SNTG1: variants seen among roughly 807,000 people sequenced by gnomAD.
The protein encoded by SNTG1 is syntrophin gamma 1, also known as gamma-1-syntrophin.
SNTG1 carries 39 observed loss-of-function variants against 74.7 expected under a neutral mutation model. The ratio of observed to expected loss-of-function variants is 0.52; its 90% CI spans 0.40 to 0.68. SNTG1 has a LOEUF of 0.68. Ranked by LOEUF, SNTG1 falls within the 30% of genes least tolerant of loss-of-function variation. The probability of loss-of-function intolerance (pLI) is 0.00; values close to 1 mark genes in which losing one functional copy is unlikely to be tolerated. For missense variants in SNTG1, 685 were observed against 609.5 expected (o/e 1.12, Z -1.30); for synonymous variants, 254 against 217.1 (o/e 1.17, Z -1.49).
chr8:50,083,574 T>C (rs1470894143), intron 1 of SNTG1, among the ~76,000 whole-genome samples: 1 of 152,228 alleles, frequency 6.6e-6, no homozygotes, highest in East Asian at 1.9e-4. Flanking sequence ...TTGTGAATTT[T>C]ATATAAAGCA....
intron 2 of SNTG1, among the ~76,000 whole-genome samples, chr8:50,281,814 G>A (rs527371937): frequency 2.2e-4 from 34 of 152,270 alleles, no homozygotes; most frequent in African/African-American, 8.2e-4. Flanking sequence ...ATATAAGTGA[G>A]CAAGAGTAGC....
intron 1 of SNTG1, among the ~76,000 whole-genome samples, chr8:50,150,019 T>C (rs62516676): frequency 6.6e-6 from 1 of 152,180 alleles, no homozygotes; most frequent in South Asian, 2.1e-4. Flanking sequence ...ATTTTTCCTA[T>C]CCATGACCAT....
rs551364675 is a variant in SNTG1, at chr8:50,184,235, G to A, written c.-28+11600G>A. Among the ~76,000 whole-genome samples, 85 of 151,410 alleles carry A rather than the reference G, an allele frequency of 5.6e-4. 3 individuals are homozygous for A. In the South Asian group the frequency reaches 0.017, roughly 31 times the overall value. The stretch of plus-strand genomic sequence containing the variant: ...GGCTGGACTTCAGTGGTGTGATCTC[G>A]GCTCACTGCAACCTCCGCTGCCCAG... On this transcript the variant is annotated intron_variant, in intron 2 of 18. Transcript: ENST00000642720.
chr8:50,712,723 C>G (rs769427625), intron 17 of SNTG1, among the ~76,000 whole-genome samples: 1 of 151,236 alleles, frequency 6.6e-6, no homozygotes, highest in Admixed American at 6.6e-5. Flanking sequence ...TCTCATTGTT[C>G]AACTCCCACT....
intron 12 of SNTG1, among the ~76,000 whole-genome samples, chr8:50,574,397 AT>A (rs1042652807): frequency 6.6e-6 from 1 of 152,124 alleles, no homozygotes; most frequent in African/African-American, 2.4e-5. Flanking sequence ...GGTAAAAGAT[AT>A]TTTTTAAACG....
intron 2 of SNTG1, among the ~76,000 whole-genome samples, chr8:50,344,858 C>T (rs73678750): frequency 0.048 from 7,318 of 152,210 alleles, 392 homozygotes; most frequent in South Asian, 0.16. Context: ...TTACAAGATA[C>T]GGCCTTTCAA....
At chr8:50,593,939 A>C (rs546082493) in intron 13 of SNTG1, among the ~76,000 whole-genome samples, 1 of 152,026 alleles carries the variant, frequency 6.6e-6, no homozygotes, top group African/African-American at 2.4e-5. Context: ...CCTGGTCTCA[A>C]ACTCCCGACC....
intron 1 of SNTG1, among the ~76,000 whole-genome samples, chr8:50,116,576 A>C (rs1286148428): frequency 6.6e-6 from 1 of 152,188 alleles, no homozygotes; most frequent in Non-Finnish European, 1.5e-5. Flanking sequence ...GTTCATTTAT[A>C]AGAATTTTGA....
intron 2 of SNTG1, among the ~76,000 whole-genome samples, chr8:50,349,056 A>G (rs1288708852): frequency 6.6e-6 from 1 of 152,220 alleles, no homozygotes; most frequent in Non-Finnish European, 1.5e-5. Flanking sequence ...AAGAATCCCC[A>G]ACATTAAGAG....
chr8:50,588,004 C>T (rs971615037), intron 12 of SNTG1, among the ~76,000 whole-genome samples: 2 of 150,456 alleles, frequency 1.3e-5, no homozygotes, highest in African/African-American at 4.9e-5. Flanking sequence ...CCTATAGTCC[C>T]AGCTACTCAA....
Position 50,247,837 on chromosome 8 carries a change from A to G in SNTG1, c.-28+75202A>G, listed in dbSNP as rs539440693. ...CTGTGCTTGGTCCCATGGGTTTTTCATAATACTAATTTTCCATGAGCTTTT... is the reference window on the plus strand; with the variant it reads ...CTGTGCTTGGTCCCATGGGTTTTTCGTAATACTAATTTTCCATGAGCTTTT... On this transcript the variant is annotated intron_variant, in intron 2 of 18. Transcript: ENST00000642720. 4.6e-5 allele frequency among the ~76,000 whole-genome samples: 7 copies of G among 152,126 alleles called. No individual in the cohort carries two copies. The East Asian group carries it at 9.7e-4, about 21-fold the overall frequency.
At chr8:50,675,348 A>G (rs1269342521) in intron 15 of SNTG1, among the ~76,000 whole-genome samples, 1 of 152,022 alleles carries the variant, frequency 6.6e-6, no homozygotes, top group East Asian at 1.9e-4. Context: ...ATGCTCCTCT[A>G]TTGGGTGCAT....
intron 1 of SNTG1, among the ~76,000 whole-genome samples, chr8:50,112,726 T>C (rs2080648008): frequency 6.6e-6 from 1 of 151,974 alleles, no homozygotes; most frequent in South Asian, 2.1e-4. Context: ...TTTCGCCATG[T>C]TGGCCAGGCT....
chr8:50,416,590 C>T (rs1271803882), intron 4 of SNTG1, among the ~76,000 whole-genome samples: 1 of 151,988 alleles, frequency 6.6e-6, no homozygotes, highest in African/African-American at 2.4e-5. Context: ...GTTACTGTGG[C>T]TTGTATTTTA....
intron 2 of SNTG1, among the ~76,000 whole-genome samples, chr8:50,292,323 A>G (rs1051152035): frequency 5.9e-5 from 9 of 152,090 alleles, no homozygotes; most frequent in African/African-American, 2.2e-4. Flanking sequence ...ATATGGAAAG[A>G]ATGAAGGGTG....
intron 4 of SNTG1, among the ~76,000 whole-genome samples, chr8:50,411,981 T>C (rs2092955246): frequency 6.6e-6 from 1 of 152,126 alleles, no homozygotes; most frequent in African/African-American, 2.4e-5. Flanking sequence ...ACAGAACAGA[T>C]GCAGTTGGAG....
chr8:50,763,856 A>AAC lies in SNTG1; in HGVS notation c.1395+11795_1395+11796dup, dbSNP rs59221694. 6.5e-3 allele frequency among the ~76,000 whole-genome samples: 677 copies of AAC among 103,462 alleles called. 8 individuals are homozygous for AAC. Among genetic ancestry groups the AAC allele is most frequent in the East Asian group, 0.012 (32 of 2,752 alleles). The allele number at this position is 103,462 out of a possible 152,430, so 67.9% of individuals were successfully genotyped here. ...AGATAAGCTCTAAAATTAATACAGA[A>AAC]ACACACACACACACACACACACACA... On this transcript the variant is annotated intron_variant, in intron 18 of 18. Transcript: ENST00000642720.
chr8:50,521,883 A>AGATGG (rs1376631508), intron 9 of SNTG1, among the ~76,000 whole-genome samples: 20 of 151,710 alleles, frequency 1.3e-4, no homozygotes, highest in Non-Finnish European at 2.2e-4. Flanking sequence ...CATCACATCT[A>AGATGG]CTCTTACTGC....
chr8:49,931,202 C>T (rs1467814413), intron 1 of SNTG1, among the ~76,000 whole-genome samples: 5 of 152,246 alleles, frequency 3.3e-5, no homozygotes, highest in Admixed American at 3.3e-4. Flanking sequence ...GCAACAGGAA[C>T]TCTCATATTG....
Sources: allele counts gnomAD v4.1 joint callset (sites outside exome capture counted in the v4.1 genomes callset), GRCh38; gene constraint gnomAD v4.1.1; transcripts MANE v1.5; gene names NCBI Gene and HGNC (gene_info 2026-07-23, HGNC 2026-07-21).